The following TEAD3 variants were observed in gnomAD, a reference collection of about 807,000 sequenced individuals.
TEAD3 encodes the protein TEA domain transcription factor 3, also known as transcriptional enhancer factor TEF-5.
Under a neutral mutation model 55.6 loss-of-function variants are expected in TEAD3, and 15 were observed. That is an observed-to-expected ratio of 0.27 (90% CI 0.18 to 0.42). The LOEUF is 0.42. Ranked by LOEUF, TEAD3 falls within the 10% of genes least tolerant of loss-of-function variation. The pLI, the probability that TEAD3 is intolerant of heterozygous loss-of-function variation, is 1.00. For synonymous variants in TEAD3, 210 were observed against 232.2 expected, an observed-to-expected ratio of 0.90 and a Z score of 0.87; for missense variants, 407 against 576.8, an observed-to-expected ratio of 0.71 and a Z score of 3.01.
At chr6:35,489,067 C>G (rs1768448886) in intron 1 of TEAD3, among the ~76,000 whole-genome samples, 2 of 152,162 alleles carry the variant, frequency 1.3e-5, no homozygotes, top group African/African-American at 4.8e-5. Flanking sequence ...CTTGATTATT[C>G]TAAACTATTA....
At chr6:35,479,399 C>T (rs370338495) in intron 4 of TEAD3, 83 bp from the exon 5 acceptor site, 27 of 1,545,424 alleles carry the variant, frequency 1.7e-5, no homozygotes, top group Middle Eastern at 1.9e-4. Flanking sequence ...GCGCCTACCT[C>T]CACCCAGTGC....
At position 35,475,253 on chromosome 6, in the gene TEAD3, C is replaced by G; in HGVS notation, c.1194+83G>C. 1 of 1,602,522 alleles carries G rather than the reference C, an allele frequency of 6.2e-7. No homozygotes were observed. ...ACCATTCTCCTTTCCGGATCTATGC[C>G]TCTCAGCCAAGCGATGTGTCTGGCT... On this transcript the variant is annotated intron_variant, in intron 12 of 12. Coordinates refer to ENST00000639578, the Ensembl canonical transcript of TEAD3. This position sits in a 1 kb window ranked among gnomAD's most constrained non-coding sequence, Gnocchi z 5.4.
chr6:35,476,559 CTAT>C (rs1248456249), intron 8 of TEAD3, 124 bp from the exon 9 acceptor site: 26 of 1,175,930 alleles, frequency 2.2e-5, no homozygotes, highest in Non-Finnish European at 3.0e-5. Flanking sequence ...GACTCCCCTA[CTAT>C]GTGTCCTTGT....
intron 8 of TEAD3, among the ~76,000 whole-genome samples, chr6:35,477,040 C>T (rs565277500): frequency 5.3e-5 from 8 of 152,260 alleles, no homozygotes; most frequent in African/African-American, 1.9e-4. Context: ...AGGCTGGTCT[C>T]GAACTCCTGA....
chr6:35,476,986 C>A (rs982805985), intron 8 of TEAD3, among the ~76,000 whole-genome samples: 1 of 152,186 alleles, frequency 6.6e-6, no homozygotes, highest in African/African-American at 2.4e-5. Flanking sequence ...CCACGCCCAG[C>A]TAATTTTTGT....
exon 4 of TEAD3, chr6:35,480,075 A>G (rs1421647299): frequency 1.3e-6 from 2 of 1,529,968 alleles, no homozygotes; most frequent in East Asian, 5.0e-5. Flanking sequence ...GCTTAGACTG[A>G]ATCTCCCGAG....
intron 1 of TEAD3, among the ~76,000 whole-genome samples, chr6:35,490,379 G>A (rs547648109): frequency 1.1e-4 from 16 of 152,250 alleles, no homozygotes; most frequent in Admixed American, 4.6e-4. Context: ...ACGTGTCAAG[G>A]AGAGAATAGG....
At position 35,475,098 on chromosome 6, in the gene TEAD3, G is replaced by C. The variant is rs752634565; in HGVS notation, c.1254C>G (p.Val418=). The change falls in exon 13 of 13, where the codon GTC becomes GTG. Residue 418 remains valine (V), a synonymous_variant. Coordinates refer to ENST00000639578, the Ensembl canonical transcript of TEAD3. The surrounding 1 kb of genome is among the most constrained non-coding windows in gnomAD (Gnocchi z 5.4). ...GCTGGGCCCCGTGCTCACTGGTGGA[G>C]ACTTCGAAGACAAAAGCAATGACAA... 1.3e-6 allele frequency: 2 copies of C among 1,598,442 alleles called. No individual in the cohort carries two copies. The highest frequency in any genetic ancestry group is 1.7e-6 in the Non-Finnish European group (2 of 1,172,140).
At chr6:35,492,125 C>T (rs1463302376) in intron 1 of TEAD3, among the ~76,000 whole-genome samples, 1 of 152,214 alleles carries the variant, frequency 6.6e-6, no homozygotes, top group East Asian at 1.9e-4. Context: ...AGCAGTCCAC[C>T]CCTGCAGGGA....
At chr6:35,494,274 C>T (rs899397721) in intron 1 of TEAD3, among the ~76,000 whole-genome samples, 2 of 152,328 alleles carry the variant, frequency 1.3e-5, no homozygotes, top group Admixed American at 6.5e-5. Context: ...AGGAAACAAT[C>T]GGCACTCTAG....
At chr6:35,476,763 A>T (rs1253588810) in intron 8 of TEAD3, among the ~76,000 whole-genome samples, 2 of 152,238 alleles carry the variant, frequency 1.3e-5, no homozygotes, top group Non-Finnish European at 2.9e-5. Flanking sequence ...TTTTCTATCC[A>T]TAGAGATGTG....
rs769213079 is a variant in TEAD3, at chr6:35,475,025, A to G, written c.*19T>C. The G allele has an allele frequency of 4.3e-5, 66 of 1,532,558 alleles. 1 individual carries two copies. The South Asian group carries it at 7.0e-4, about 16-fold the overall frequency. The allele number at this position is 1,532,558 out of a possible 1,614,324, so 94.9% of individuals were successfully genotyped here. A position where few individuals can be genotyped will look rare whatever the true frequency, so the allele number is the denominator to read the frequency against. ...AGGAGATGCTCACCCTGCATCCTTAAGGAGGCGCAGAGGGCACCCTAGTCT... is the reference window on the plus strand; with the variant it reads ...AGGAGATGCTCACCCTGCATCCTTAGGGAGGCGCAGAGGGCACCCTAGTCT... On this transcript the variant is annotated 3_prime_UTR_variant, in exon 13 of 13. Transcript: ENST00000639578. This position sits in a 1 kb window ranked among gnomAD's most constrained non-coding sequence, Gnocchi z 5.4.
intron 3 of TEAD3, among the ~76,000 whole-genome samples, chr6:35,482,696 G>C (rs1197000716): frequency 6.6e-6 from 1 of 152,134 alleles, no homozygotes; most frequent in Non-Finnish European, 1.5e-5. Context: ...AGGACTGCTT[G>C]AGGCCAAAAG....
chr6:35,494,226 C>T (rs1196179611), intron 1 of TEAD3, among the ~76,000 whole-genome samples: 1 of 152,240 alleles, frequency 6.6e-6, no homozygotes, highest in East Asian at 1.9e-4. Context: ...TCATTTCCCT[C>T]TAACACTTCC....
intron 5 of TEAD3, 121 bp downstream of exon 5, chr6:35,479,184 T>C (rs1173754312): frequency 7.3e-7 from 1 of 1,372,632 alleles, no homozygotes; most frequent in Non-Finnish European, 1.0e-6. Context: ...AGCCATTTCG[T>C]TTTTTTAAAA....
At chr6:35,478,406 A>G (rs757694230) in intron 6 of TEAD3, 28 bp downstream of exon 6, 36 of 1,613,458 alleles carry the variant, frequency 2.2e-5, no homozygotes, top group Non-Finnish European at 2.9e-5. Flanking sequence ...ACACCCCCAC[A>G]CCAGCCCACC....
intron 7 of TEAD3, among the ~76,000 whole-genome samples, chr6:35,477,887 T>C (rs1706046205): frequency 6.6e-6 from 1 of 151,928 alleles, no homozygotes; most frequent in South Asian, 2.1e-4. Context: ...TTGCTCAGGC[T>C]GTAGTTGCAA....
chr6:35,473,684 C>T (rs1201456191), downstream of TEAD3: 1 of 148,366 alleles, frequency 6.7e-6, no homozygotes, highest in Non-Finnish European at 1.5e-5. Context: ...GCCCCTGCTC[C>T]AACCCCAAGC....
chr6:35,495,253 G>T (rs1160661596), intron 1 of TEAD3, among the ~76,000 whole-genome samples: 1 of 152,222 alleles, frequency 6.6e-6, no homozygotes. Context: ...TCAGTTGGCA[G>T]AAAGTGCCAG....
Sources: allele counts gnomAD v4.1 joint callset (sites outside exome capture counted in the v4.1 genomes callset), GRCh38; gene constraint gnomAD v4.1.1; non-coding constraint Gnocchi (gnomAD v3.1); transcripts MANE v1.5; gene names NCBI Gene and HGNC (gene_info 2026-07-23, HGNC 2026-07-21).